TMEM181: variants seen among roughly 807,000 people sequenced by gnomAD.
TMEM181 encodes transmembrane protein 181, also known as G protein-coupled receptor 178.
TMEM181 carries 39 observed loss-of-function variants against 71.9 expected under a neutral mutation model. The observed-to-expected ratio is 0.54, with a 90% CI of 0.42 to 0.71. TMEM181 has a LOEUF of 0.71. Ranked by LOEUF, TMEM181 falls within the 30% of genes least tolerant of loss-of-function variation. TMEM181 has a pLI of 0.00. For missense variants in TMEM181, 595 were observed against 583.0 expected (o/e 1.02, Z -0.21); for synonymous variants, 245 against 228.8 (o/e 1.07, Z -0.64).
intron 1 of TMEM181, among the ~76,000 whole-genome samples, chr6:158,540,338 T>G (rs1170791448): frequency 6.6e-6 from 1 of 152,218 alleles, no homozygotes; most frequent in Non-Finnish European, 1.5e-5. Flanking sequence ...AACATACACA[T>G]TTCCTCAGGC....
chr6:158,573,492 C>G lies in TMEM181; in HGVS notation c.81C>G (p.Cys27Trp). 6.2e-7 allele frequency: 1 copy of G among 1,608,250 alleles called. No individual in the cohort carries two copies. The highest frequency in any genetic ancestry group is 8.5e-7 in the Non-Finnish European group (1 of 1,177,282). Residue 27 changes from cysteine to tryptophan, a missense_variant, in exon 2 of 17, where the codon TGC becomes TGG. Physicochemically the swap from Cys to Trp is radical, Grantham distance 215. Transcript: ENST00000684151. The part of the protein sequence containing the change: ...FVLVFVVFFI[C>W]FGLTIFVGIR... ...TCGTGTTTGTCGTCTTCTTCATCTG[C>G]TTTGGCCTGACCATCTTCGTTGGGA...
At chr6:158,610,700 T>A (rs911317950) in intron 10 of TMEM181, 12 of 288,274 alleles carry the variant, frequency 4.2e-5, no homozygotes, top group Non-Finnish European at 7.4e-5. Flanking sequence ...GGAGACGTTA[T>A]GGGCGCTCAC....
At chr6:158,573,353 A>C in intron 1 of TMEM181, 67 bp from the exon 2 acceptor site, 1 of 1,249,326 alleles carries the variant, frequency 8.0e-7, no homozygotes, top group Non-Finnish European at 1.1e-6. Context: ...GTGTTGCTGC[A>C]GGGCCGCTTT....
Position 158,560,143 on chromosome 6 carries a change from C to T in TMEM181, c.-82C>T. On this transcript the variant is annotated 5_prime_UTR_variant, in exon 1 of 17. Coordinates refer to ENST00000684151, the MANE Select transcript of TMEM181 (RefSeq NM_001376852.1). ...GCCGCTGTCGCTCCGGCTCCGGCTG[C>T]GGCTGCCGCTGCCGAGGCTGCTGCG... The T allele has an allele frequency of 5.1e-6, 5 of 984,844 alleles. No individual in the cohort carries two copies. Among genetic ancestry groups the T allele is most frequent in the Non-Finnish European group, 6.0e-6 (5 of 829,700 alleles). The allele number at this position is 984,844 out of a possible 1,614,324, so 61.0% of individuals were successfully genotyped here.
chr6:158,570,660 C>T (rs1296457694), intron 1 of TMEM181, among the ~76,000 whole-genome samples: 4 of 152,176 alleles, frequency 2.6e-5, no homozygotes, highest in African/African-American at 9.6e-5. Flanking sequence ...TGAGACAGCG[C>T]TGCAGGCTCC....
intron 5 of TMEM181, among the ~76,000 whole-genome samples, chr6:158,588,871 G>T (rs1024248917): frequency 2.0e-5 from 3 of 152,208 alleles, no homozygotes; most frequent in African/African-American, 7.2e-5. Flanking sequence ...AGAACCACCC[G>T]TTTGCTCTGG....
chr6:158,593,019 AACTGATTTAACTTTTGGGG>A (rs1397621516), intron 6 of TMEM181, among the ~76,000 whole-genome samples: 1 of 152,184 alleles, frequency 6.6e-6, no homozygotes, highest in East Asian at 1.9e-4. Context: ...GGGGGGTGTG[AACTGATTTAACTTTTGGGG>A]TAATTTAGCA....
intron 1 of TMEM181, among the ~76,000 whole-genome samples, chr6:158,561,320 C>T (rs189121900): frequency 6.6e-6 from 1 of 152,318 alleles, no homozygotes; most frequent in Non-Finnish European, 1.5e-5. Context: ...ACTGGAATGG[C>T]ATCAAATATC....
chr6:158,545,606 A>G (rs1781502702), intron 1 of TMEM181, among the ~76,000 whole-genome samples: 1 of 150,746 alleles, frequency 6.6e-6, no homozygotes, highest in Admixed American at 6.6e-5. Flanking sequence ...GGAACCGGAC[A>G]GAACTTGGAA....
intron 14 of TMEM181, among the ~76,000 whole-genome samples, 195 bp downstream of exon 14, chr6:158,628,685 T>C (rs1227849892): frequency 2.6e-5 from 4 of 152,216 alleles, no homozygotes; most frequent in African/African-American, 7.2e-5. Flanking sequence ...GTCCCTCCTC[T>C]GTACACAGGA....
At chr6:158,581,043 C>A (rs752568705) in intron 3 of TMEM181, 48 bp downstream of exon 3, 66 of 1,540,636 alleles carry the variant, frequency 4.3e-5, no homozygotes, top group Admixed American at 3.5e-4. Context: ...GCATTATAAA[C>A]CTCAGGTCAC....
chr6:158,538,234 A>G (rs567685794), intron 1 of TMEM181, among the ~76,000 whole-genome samples: 1 of 147,556 alleles, frequency 6.8e-6, no homozygotes, highest in South Asian at 2.1e-4. Flanking sequence ...GGCTCACTGC[A>G]TCCTCCACTT....
At chr6:158,559,600 C>T (rs1782036417), upstream of TMEM181, among the ~76,000 whole-genome samples, 1 of 152,220 alleles carries the variant, frequency 6.6e-6, no homozygotes, top group Non-Finnish European at 1.5e-5. Context: ...CTAGAAGCGG[C>T]TTGCGGGAGA....
upstream of TMEM181, among the ~76,000 whole-genome samples, chr6:158,558,679 G>A (rs532859538): frequency 2.6e-5 from 4 of 152,336 alleles, no homozygotes; most frequent in East Asian, 1.9e-4. Context: ...TCTCTTTTAT[G>A]TTAACTATGC....
Position 158,608,356 on chromosome 6 carries a change from C to T in TMEM181, c.697C>T (p.Leu233=). ...AGATCCGTTCTTCCCCCTCTCCTTCCTGGTCAACAGCTGGCTCCCAGGGAT... is the reference window on the plus strand; with the variant it reads ...AGATCCGTTCTTCCCCCTCTCCTTCTTGGTCAACAGCTGGCTCCCAGGGAT... The part of the protein sequence containing the change: ...YNDPFFPLSF[L]VNSWLPGMLD... The change falls in exon 9 of 17, where the codon CTG becomes TTG. Residue 233 remains leucine, a synonymous_variant. Transcript: ENST00000684151. 6.2e-7 allele frequency: 1 copy of T among 1,614,270 alleles called. No homozygotes were observed. Among genetic ancestry groups the T allele is most frequent in the Non-Finnish European group, 8.5e-7 (1 of 1,180,052 alleles).
At chr6:158,612,494 TAG>T (rs1785390557) in intron 10 of TMEM181, among the ~76,000 whole-genome samples, 1 of 152,132 alleles carries the variant, frequency 6.6e-6, no homozygotes, top group African/African-American at 2.4e-5. Context: ...AAAGGTTAAT[TAG>T]GCAGGGTAAA....
chr6:158,589,626 G>A (rs764475270), intron 5 of TMEM181, 46 bp from the exon 6 acceptor site: 21 of 1,451,908 alleles, frequency 1.4e-5, no homozygotes, highest in South Asian at 4.6e-5. Flanking sequence ...TGGCGGGAGC[G>A]TGAGTCTCGC....
intron 7 of TMEM181, 107 bp from the exon 8 acceptor site, chr6:158,607,137 A>G (rs1305204126): frequency 1.2e-6 from 1 of 868,532 alleles, no homozygotes; most frequent in Non-Finnish European, 1.9e-6. Context: ...TGGGGCACCT[A>G]GACCATTGAT....
intron 6 of TMEM181, among the ~76,000 whole-genome samples, chr6:158,600,372 ACTC>A (rs1784602725): frequency 6.6e-6 from 1 of 150,792 alleles, no homozygotes; most frequent in Non-Finnish European, 1.5e-5. Flanking sequence ...CTGGTCTCGA[ACTC>A]CTGACCTCAG....
Sources: allele counts gnomAD v4.1 joint callset (sites outside exome capture counted in the v4.1 genomes callset), GRCh38; gene constraint gnomAD v4.1.1; transcripts MANE v1.5; gene names NCBI Gene and HGNC (gene_info 2026-07-23, HGNC 2026-07-21).